Variants in SLC6A2 observed in about 807,000 individuals in gnomAD.
The protein encoded by SLC6A2 is sodium-dependent noradrenaline transporter.
Under a neutral mutation model 71.7 loss-of-function variants are expected in SLC6A2, and 26 were observed. The ratio of observed to expected loss-of-function variants is 0.36; its 90% CI spans 0.27 to 0.50. SLC6A2 has a LOEUF of 0.50. SLC6A2 is among the 20% of genes least tolerant of loss of function. SLC6A2 has a pLI of 0.96. For missense variants in SLC6A2, 581 were observed against 803.9 expected (o/e 0.72, Z 3.35); for synonymous variants, 363 against 337.9 (o/e 1.07, Z -0.82).
chr16:55,672,079 C>G lies in SLC6A2; in HGVS notation c.548C>G (p.Pro183Arg). ...GACTGTGGCCACACCTGGAACAGCC[C>G]CAACTGTACCGACCCCAAGCTCCTC... is the stretch of plus-strand genomic sequence containing the variant. Reference protein sequence around the residue: ...WTDCGHTWNSPNCTDPKLLNG... With the variant: ...WTDCGHTWNSRNCTDPKLLNG... Residue 183 changes from proline to arginine, a missense_variant, in exon 4 of 15, where the codon CCC becomes CGC. Around this residue, in one of 5 missense-constraint regions of SLC6A2, gnomAD observed 87 missense variants for 99.5 expected, o/e 0.87. Coordinates refer to ENST00000568943, the MANE Select transcript of SLC6A2 (RefSeq NM_001172501.3). 2 of 1,614,178 alleles carry G rather than the reference C, an allele frequency of 1.2e-6. No individual in the cohort carries two copies. Among genetic ancestry groups the G allele is most frequent in the Non-Finnish European group, 1.7e-6 (2 of 1,180,028 alleles).
chr16:55,673,068 G>A (rs1418622935), intron 4 of SLC6A2, among the ~76,000 whole-genome samples: 2 of 152,132 alleles, frequency 1.3e-5, no homozygotes, highest in East Asian at 3.8e-4. Flanking sequence ...GTTCTTTTCA[G>A]GTATTTAGTT....
rs1462975668 is a variant in SLC6A2, at chr16:55,694,067, T to C, written c.976T>C (p.Leu326=). 1 of 1,613,490 alleles carries C rather than the reference T, an allele frequency of 6.2e-7. No individual in the cohort carries two copies. The highest frequency in any genetic ancestry group is 1.3e-5 in the African/African-American group (1 of 75,024). ...TTCCTTGGGGGCTGGATTTGGAGTATTGATTGCATTTGCCAGTTACAACAA... is the reference window on the plus strand; with the variant it reads ...TTCCTTGGGGGCTGGATTTGGAGTACTGATTGCATTTGCCAGTTACAACAA... ...FFSLGAGFGV[L]IAFASYNKFD... The change falls in exon 7 of 15, where the codon TTG becomes CTG. Residue 326 remains leucine, a synonymous_variant. Transcript: ENST00000568943.
intron 4 of SLC6A2, 72 bp downstream of exon 4, chr16:55,672,247 A>G (rs1370370611): frequency 1.2e-6 from 2 of 1,613,258 alleles, no homozygotes; most frequent in African/African-American, 2.7e-5. Context: ...AACACTAAGG[A>G]AAGTCACAGA....
At chr16:55,674,725 A>G (rs1253035379) in intron 4 of SLC6A2, among the ~76,000 whole-genome samples, 1 of 152,128 alleles carries the variant, frequency 6.6e-6, no homozygotes, top group African/African-American at 2.4e-5. Flanking sequence ...GCACCCGGCC[A>G]CCACATTTTC....
chr16:55,702,431 G>T lies in SLC6A2; in HGVS notation c.*85G>T, dbSNP rs1221435501. ...GCGCTCCCACCTCGGACACCATCTTGGGATTCCTCCCCTGGAAGTTGTCCT... is the reference window on the plus strand; with the variant it reads ...GCGCTCCCACCTCGGACACCATCTTTGGATTCCTCCCCTGGAAGTTGTCCT... On this transcript the variant is annotated 3_prime_UTR_variant, in exon 15 of 15. Transcript: ENST00000568943. 1.2e-6 allele frequency: 2 copies of T among 1,612,196 alleles called. No homozygotes were observed. Among genetic ancestry groups the T allele is most frequent in the Non-Finnish European group, 1.7e-6 (2 of 1,179,184 alleles).
rs1278186561 is a variant in SLC6A2, at chr16:55,669,683, C to G, written c.393C>G (p.Cys131Trp). Reference protein sequence around the residue: ...REGAATVWKICPFFKGVGYAV... With the variant: ...REGAATVWKIWPFFKGVGYAV... Reference sequence around the variant, plus strand: ...GGGCTGCCACCGTTTGGAAAATCTGCCCATTCTTCAAAGGTAAAGAAGGGG... The same window carrying G: ...GGGCTGCCACCGTTTGGAAAATCTGGCCATTCTTCAAAGGTAAAGAAGGGG... The change falls in exon 3 of 15, where the codon TGC becomes TGG. Residue 131 changes from cysteine to tryptophan, a missense_variant. Cys to Trp is a radical substitution (Grantham distance 215). Transcript: ENST00000568943. The G allele has an allele frequency of 6.2e-7, 1 of 1,614,116 alleles. No individual in the cohort carries two copies. The highest frequency in any genetic ancestry group is 8.5e-7 in the Non-Finnish European group (1 of 1,180,004).
intron 4 of SLC6A2, among the ~76,000 whole-genome samples, chr16:55,673,219 C>G (rs1964977805): frequency 6.6e-6 from 1 of 152,166 alleles, no homozygotes; most frequent in Non-Finnish European, 1.5e-5. Flanking sequence ...TGTGGTTATG[C>G]ATTTTGGCGT....
chr16:55,702,251 G>C (rs899090142), intron 14 of SLC6A2, 72 bp from the exon 15 acceptor site: 225 of 1,459,692 alleles, frequency 1.5e-4, no homozygotes, highest in Non-Finnish European at 2.0e-4. Flanking sequence ...ACCTCCTGCT[G>C]CCCCCGCCAG....
At position 55,702,254 on chromosome 16, in the gene SLC6A2, C is replaced by G. The variant is rs1374828551; in HGVS notation, c.1831-69C>G. On this transcript the variant is annotated intron_variant, in intron 14 of 14. Transcript: ENST00000568943. ...TGCCTTCTCTCTACCTCCTGCTGCCCCCGCCAGCTGGCCCTTGCTCCTTTC... is the reference window on the plus strand; with the variant it reads ...TGCCTTCTCTCTACCTCCTGCTGCCGCCGCCAGCTGGCCCTTGCTCCTTTC... 21 of 1,488,072 alleles carry G rather than the reference C, an allele frequency of 1.4e-5. No individual in the cohort carries two copies. The South Asian group carries it at 1.6e-4, about 11-fold the overall frequency. 92.2% of individuals were successfully genotyped at this position (1,488,072 alleles called of 1,614,324 possible). A position where few individuals can be genotyped will look rare whatever the true frequency, so the allele number is the denominator to read the frequency against.
In SLC6A2 at chr16:55,701,883, G is replaced by A. The variant is rs5560; in HGVS notation, c.1779G>A (p.Thr593=). 9.8e-3 allele frequency: 15,889 copies of A among 1,613,810 alleles called. 102 individuals carry two copies. Among genetic ancestry groups the A allele is most frequent in the Non-Finnish European group, 0.012 (14,139 of 1,179,674 alleles). The change falls in exon 14 of 15, where the codon ACG becomes ACA. Residue 593 remains threonine (T), a synonymous_variant. Transcript: ENST00000568943. ...TTCAGAGACTGGCCTATGGCATCACGCCAGAGAACGAGCACCACCTGGTGG... is the reference window on the plus strand; with the variant it reads ...TTCAGAGACTGGCCTATGGCATCACACCAGAGAACGAGCACCACCTGGTGG... The part of the protein sequence containing the change: ...SLWERLAYGI[T]PENEHHLVAQ...
chr16:55,674,055 G>A (rs1467088894), intron 4 of SLC6A2, among the ~76,000 whole-genome samples: 2 of 151,868 alleles, frequency 1.3e-5, no homozygotes, highest in Non-Finnish European at 2.9e-5. Flanking sequence ...TTTTAGATTT[G>A]GGGGTACACA....
intron 2 of SLC6A2, among the ~76,000 whole-genome samples, 193 bp downstream of exon 2, chr16:55,657,161 C>T (rs1964479567): frequency 6.6e-6 from 1 of 152,090 alleles, no homozygotes; most frequent in African/African-American, 2.4e-5. Context: ...TTCCCAGGCT[C>T]TTTGCAGAGT....
At chr16:55,698,767 G>A (rs1336823675) in intron 11 of SLC6A2, among the ~76,000 whole-genome samples, 199 bp downstream of exon 11, 2 of 151,984 alleles carry the variant, frequency 1.3e-5, no homozygotes, top group Non-Finnish European at 2.9e-5. Flanking sequence ...AAGGCCCCTG[G>A]GCATCAACTC....
At chr16:55,671,772 G>A in intron 3 of SLC6A2, 166 bp from the exon 4 acceptor site, 1 of 1,414,360 alleles carries the variant, frequency 7.1e-7, no homozygotes, top group Non-Finnish European at 9.3e-7. Context: ...TGGAAAAATT[G>A]TCTTCCATGC....
intron 4 of SLC6A2, among the ~76,000 whole-genome samples, chr16:55,674,158 A>G (rs1335579103): frequency 6.6e-6 from 1 of 152,006 alleles, no homozygotes; most frequent in Non-Finnish European, 1.5e-5. Context: ...CCCAATAGGT[A>G]CTTTTTCGAC....
intron 4 of SLC6A2, 90 bp from the exon 5 acceptor site, chr16:55,685,053 A>G (rs1965405006): frequency 1.6e-6 from 2 of 1,280,008 alleles, no homozygotes; most frequent in South Asian, 1.2e-5. Flanking sequence ...CTCCATCAGC[A>G]TGCATTTGCA....
In SLC6A2 at chr16:55,692,071, C is replaced by G; in HGVS notation, c.918+19C>G. The G allele has an allele frequency of 6.2e-7, 1 of 1,613,922 alleles. No individual in the cohort carries two copies. Among genetic ancestry groups the G allele is most frequent in the Non-Finnish European group, 8.5e-7 (1 of 1,179,842 alleles). ...GGCCACGGTCAGTGCTCAGTGACCACCAAGCCTTGGGCCAGGCTTGTGGGA... is the reference window on the plus strand; with the variant it reads ...GGCCACGGTCAGTGCTCAGTGACCAGCAAGCCTTGGGCCAGGCTTGTGGGA... On this transcript the variant is annotated intron_variant, in intron 6 of 14. Transcript: ENST00000568943.
rs201774381 is a variant in SLC6A2, at chr16:55,702,747, C to CCCCCAA, written c.*401_*402insCCCCAA. On this transcript the variant is annotated 3_prime_UTR_variant, in exon 15 of 15. Coordinates refer to ENST00000568943, the MANE Select transcript of SLC6A2 (RefSeq NM_001172501.3). Reference sequence around the variant, plus strand: ...TGGGCTTTTGATCAGATACCCCTCCCAAAAAAAAAAAAAACTAAAACTAAA... The same window carrying CCCCCAA: ...TGGGCTTTTGATCAGATACCCCTCCCCCCCAAAAAAAAAAAAAAAACTAAAACTAAA... 4 of 920,688 alleles carry CCCCCAA rather than the reference C, an allele frequency of 4.3e-6. No homozygotes were observed. In the African/African-American group the frequency reaches 9.0e-5, roughly 21 times the overall value. The allele number at this position is 920,688 out of a possible 1,614,324, so 57.0% of individuals were successfully genotyped here.
chr16:55,672,066 A>C lies in SLC6A2; in HGVS notation c.535A>C (p.Thr179Pro). ...CCTGCCCTGGACCGACTGTGGCCAC[A>C]CCTGGAACAGCCCCAACTGTACCGA... ...LNLPWTDCGH[T>P]WNSPNCTDPK... The change falls in exon 4 of 15, where the codon ACC becomes CCC. Residue 179 changes from threonine to proline, a missense_variant. Physicochemically the swap from Thr to Pro is conservative, Grantham distance 38. Coordinates refer to ENST00000568943, the MANE Select transcript of SLC6A2 (RefSeq NM_001172501.3). 2.5e-6 allele frequency: 4 copies of C among 1,614,074 alleles called. No homozygotes were observed. Among genetic ancestry groups the C allele is most frequent in the Non-Finnish European group, 3.4e-6 (4 of 1,180,006 alleles).
Sources: allele counts gnomAD v4.1 joint callset (sites outside exome capture counted in the v4.1 genomes callset), GRCh38; gene constraint gnomAD v4.1.1; regional missense constraint gnomAD v4.1.1; transcripts MANE v1.5; gene names NCBI Gene and HGNC (gene_info 2026-07-23, HGNC 2026-07-21).